Variants in ALG6 observed in about 807,000 individuals in gnomAD.
The protein encoded by ALG6 is dolichyl pyrophosphate Man9GlcNAc2 alpha-1,3-glucosyltransferase.
In ALG6, 46 loss-of-function variants were observed where a neutral mutation model predicts 66.6. That is an observed-to-expected ratio of 0.69 (90% CI 0.55 to 0.88). The LOEUF (loss-of-function observed/expected upper bound fraction) is 0.88. Ranked by LOEUF, ALG6 falls within the 40% of genes least tolerant of loss-of-function variation. The pLI is 0.00. For missense variants in ALG6, 505 were observed against 586.8 expected, an observed-to-expected ratio of 0.86 and a Z score of 1.44; for synonymous variants, 185 against 203.7, an observed-to-expected ratio of 0.91 and a Z score of 0.78.
At chr1:63,417,748 T>TA (rs910826649) in intron 11 of ALG6, among the ~76,000 whole-genome samples, 2 of 152,162 alleles carry the variant, frequency 1.3e-5, no homozygotes, top group African/African-American at 4.8e-5. Context: ...CCTGCTCTCT[T>TA]ACTTGGGGCC....
At chr1:63,414,240 AGGTGTT>A in intron 10 of ALG6, 94 bp downstream of exon 10, 1 of 907,038 alleles carries the variant, frequency 1.1e-6, no homozygotes, top group Non-Finnish European at 1.7e-6. Flanking sequence ...TTAGGGAATG[AGGTGTT>A]TTTCTTTTCT....
At chr1:63,407,154 T>C (rs1644493141) in intron 7 of ALG6, 28 bp downstream of exon 7, 1 of 1,520,022 alleles carries the variant, frequency 6.6e-7, no homozygotes, top group Non-Finnish European at 9.1e-7. Flanking sequence ...AGAAATGAAG[T>C]CAGTTGCATA....
chr1:63,403,932 C>T (rs1345066768), intron 4 of ALG6, among the ~76,000 whole-genome samples: 2 of 152,082 alleles, frequency 1.3e-5, no homozygotes, highest in African/African-American at 4.8e-5. Context: ...CAAAAATAAG[C>T]TTCATGGATT....
chr1:63,376,683 T>A (rs2100384496), intron 2 of ALG6, among the ~76,000 whole-genome samples: 1 of 152,324 alleles, frequency 6.6e-6, no homozygotes, highest in Admixed American at 6.5e-5. Flanking sequence ...AGAGAATCTT[T>A]CTGTGTACTA....
chr1:63,388,778 C>G (rs886890926), intron 2 of ALG6, among the ~76,000 whole-genome samples: 4 of 152,288 alleles, frequency 2.6e-5, no homozygotes, highest in Admixed American at 2.6e-4. Context: ...AATCCCTCAG[C>G]GTTTTTGTCT....
intron 2 of ALG6, among the ~76,000 whole-genome samples, chr1:63,385,231 G>T (rs551524798): frequency 9.0e-6 from 1 of 110,574 alleles, no homozygotes; most frequent in Non-Finnish European, 1.7e-5. Flanking sequence ...ACAGAGTCTC[G>T]CTCTGTCACC....
intron 7 of ALG6, among the ~76,000 whole-genome samples, chr1:63,408,744 G>C (rs766371418): frequency 2.0e-5 from 3 of 152,098 alleles, no homozygotes; most frequent in South Asian, 2.1e-4. Flanking sequence ...AACTCTGAAG[G>C]CTTTCAGGCA....
chr1:63,404,293 CA>C (rs886399846), intron 4 of ALG6, among the ~76,000 whole-genome samples, 159 bp from the exon 5 acceptor site: 3 of 152,068 alleles, frequency 2.0e-5, no homozygotes, highest in Non-Finnish European at 4.4e-5. Context: ...GTCAGTTTCA[CA>C]TGATTAAATA....
chr1:63,416,132 A>G (rs1479484874), intron 11 of ALG6, among the ~76,000 whole-genome samples, 175 bp downstream of exon 11: 1 of 152,222 alleles, frequency 6.6e-6, no homozygotes, highest in African/African-American at 2.4e-5. Context: ...AAGCTAAGCA[A>G]TCAATACTCT....
intron 3 of ALG6, among the ~76,000 whole-genome samples, chr1:63,398,225 TG>T (rs1644421608): frequency 6.6e-6 from 1 of 152,204 alleles, no homozygotes; most frequent in Non-Finnish European, 1.5e-5. Context: ...AGTCAGAGTT[TG>T]GAGTGTTTCA....
At chr1:63,409,355 C>T (rs1057092547) in intron 7 of ALG6, among the ~76,000 whole-genome samples, 2 of 152,020 alleles carry the variant, frequency 1.3e-5, no homozygotes, top group Non-Finnish European at 1.5e-5. Flanking sequence ...GTATATGGGT[C>T]CATACGTTTT....
intron 12 of ALG6, among the ~76,000 whole-genome samples, chr1:63,427,170 T>A (rs1644619701): frequency 1.8e-5 from 2 of 111,826 alleles, no homozygotes; most frequent in East Asian, 5.9e-4. Flanking sequence ...CCAGCTAATT[T>A]TTTTTTTTTT....
At position 63,433,980 on chromosome 1, in the gene ALG6, G is replaced by A. The variant is rs1319049368; in HGVS notation, c.1327-2843G>A. Among the ~76,000 whole-genome samples, 2 of 152,210 alleles carry A rather than the reference G, an allele frequency of 1.3e-5. No homozygotes were observed. Among genetic ancestry groups the A allele is most frequent in the African/African-American group, 4.8e-5 (2 of 41,460 alleles). On this transcript the variant is annotated intron_variant, in intron 14 of 14. Transcript: ENST00000263440. The surrounding 1 kb of genome is among the most constrained non-coding windows in gnomAD (Gnocchi z 4.2). The stretch of plus-strand genomic sequence containing the variant: ...AAGGAAGTAAACTGCAGATAATTGA[G>A]GGTAGAACATCCTAGAAGAGAAAAA...
rs757012140 is a variant in ALG6 at position 63,411,255 on chromosome 1, A to G, written c.604A>G (p.Met202Val). ...TTGCTTAGCTATAAATTATAAACAG[A>G]TGGAACTTTACCACGCCTTGCCATT... ...AFCLAINYKQMELYHALPFFC... is the reference protein window; with the variant it reads ...AFCLAINYKQVELYHALPFFC... Residue 202 changes from methionine to valine, a missense_variant, in exon 8 of 15, where the codon ATG (methionine) becomes GTG (valine). Coordinates refer to ENST00000263440, the MANE Select transcript of ALG6 (RefSeq NM_013339.4). 8 of 1,613,884 alleles carry G rather than the reference A, an allele frequency of 5.0e-6. No individual in the cohort carries two copies. Among genetic ancestry groups the G allele is most frequent in the South Asian group, 1.1e-5 (1 of 91,090 alleles).
At chr1:63,415,758 A>G (rs1644543007) in intron 10 of ALG6, 115 bp from the exon 11 acceptor site, 5 of 631,954 alleles carry the variant, frequency 7.9e-6, no homozygotes, top group Non-Finnish European at 1.3e-5. Context: ...ATAGTTTGAA[A>G]TAAACTTAAG....
chr1:63,421,007 C>G (rs535565388), intron 12 of ALG6, among the ~76,000 whole-genome samples: 5 of 149,732 alleles, frequency 3.3e-5, no homozygotes, highest in Non-Finnish European at 7.4e-5. Flanking sequence ...ATATTCCAGA[C>G]AAAAATCCCT....
At chr1:63,401,778 A>C (rs531442548) in intron 3 of ALG6, among the ~76,000 whole-genome samples, 18 of 152,268 alleles carry the variant, frequency 1.2e-4, no homozygotes, top group Non-Finnish European at 1.2e-4. Context: ...ATAGAAGAAG[A>C]AGCTGCCTAG....
intron 2 of ALG6, among the ~76,000 whole-genome samples, chr1:63,389,772 G>A (rs1648613493): frequency 6.6e-6 from 1 of 152,162 alleles, no homozygotes; most frequent in African/African-American, 2.4e-5. Flanking sequence ...GGTCGCTGCA[G>A]CCATATTTGC....
intron 14 of ALG6, among the ~76,000 whole-genome samples, chr1:63,432,249 T>G (rs1644649445): frequency 7.8e-6 from 1 of 128,452 alleles, no homozygotes; most frequent in African/African-American, 3.1e-5. Context: ...TCTGCATCTT[T>G]GGTCATGTGT....
Sources: allele counts gnomAD v4.1 joint callset (sites outside exome capture counted in the v4.1 genomes callset), GRCh38; gene constraint gnomAD v4.1.1; non-coding constraint Gnocchi (gnomAD v3.1); transcripts MANE v1.5; gene names NCBI Gene and HGNC (gene_info 2026-07-23, HGNC 2026-07-21).